The following ST6GALNAC3 variants were observed in gnomAD, a reference collection of about 807,000 sequenced individuals.
The protein encoded by ST6GALNAC3 is ST6 N-acetylgalactosaminide alpha-2,6-sialyltransferase 3, also known as alpha-N-acetylgalactosaminide alpha-2,6-sialyltransferase 3.
ST6GALNAC3 carries 25 observed loss-of-function variants against 32.7 expected under a neutral mutation model. That is an observed-to-expected ratio of 0.76 (90% CI 0.56 to 1.07). The LOEUF is 1.07. Among genes scored for constraint, ST6GALNAC3 ranks in the 50% least tolerant of loss-of-function variants. ST6GALNAC3 has a pLI of 0.00. For synonymous variants in ST6GALNAC3, 129 were observed against 133.1 expected (o/e 0.97, Z 0.21); for missense variants, 355 against 382.4 (o/e 0.93, Z 0.60).
At chr1:76,490,755 A>T (rs1220961165) in intron 3 of ST6GALNAC3, among the ~76,000 whole-genome samples, 2 of 152,008 alleles carry the variant, frequency 1.3e-5, no homozygotes, top group Non-Finnish European at 2.9e-5. Flanking sequence ...CGTAATAGTC[A>T]AACCTCCCAT....
intron 1 of ST6GALNAC3, among the ~76,000 whole-genome samples, chr1:76,218,368 A>G (rs2100596350): frequency 6.6e-6 from 1 of 152,274 alleles, no homozygotes; most frequent in Admixed American, 6.5e-5. Context: ...AGGCTAGAGT[A>G]TTTGCCCTTC....
chr1:76,573,259 A>G (rs1646740317), intron 3 of ST6GALNAC3, among the ~76,000 whole-genome samples: 2 of 152,126 alleles, frequency 1.3e-5, no homozygotes, highest in African/African-American at 4.8e-5. Flanking sequence ...GTCCTCTTAC[A>G]AGCATCCAGT....
At chr1:76,281,231 AT>A (rs1313015642) in intron 1 of ST6GALNAC3, among the ~76,000 whole-genome samples, 2 of 152,100 alleles carry the variant, frequency 1.3e-5, no homozygotes, top group Non-Finnish European at 2.9e-5. Context: ...ATCGATATAG[AT>A]TTTTTTCTTG....
At chr1:76,485,623 A>G (rs969922080) in intron 3 of ST6GALNAC3, among the ~76,000 whole-genome samples, 7 of 151,856 alleles carry the variant, frequency 4.6e-5, no homozygotes, top group African/African-American at 1.7e-4. Context: ...TTTCTTCTTT[A>G]TTAGTCTTGC....
At chr1:76,080,376 T>C (rs1054636159) in intron 1 of ST6GALNAC3, among the ~76,000 whole-genome samples, 1 of 152,058 alleles carries the variant, frequency 6.6e-6, no homozygotes, top group African/African-American at 2.4e-5. Flanking sequence ...GTGGCATGGA[T>C]TTTTTACTCT....
chr1:76,271,973 A>G (rs1408377326), intron 1 of ST6GALNAC3, among the ~76,000 whole-genome samples: 1 of 152,138 alleles, frequency 6.6e-6, no homozygotes, highest in Non-Finnish European at 1.5e-5. Context: ...AGCACAAGGG[A>G]GTGAAACTAG....
intron 1 of ST6GALNAC3, among the ~76,000 whole-genome samples, chr1:76,244,266 A>G (rs556761793): frequency 2.6e-5 from 4 of 152,284 alleles, no homozygotes; most frequent in Non-Finnish European, 5.9e-5. Flanking sequence ...GTTGGTGTAT[A>G]GGAATGCTCG....
intron 3 of ST6GALNAC3, among the ~76,000 whole-genome samples, chr1:76,533,310 T>A (rs1663374541): frequency 7.5e-6 from 1 of 132,650 alleles, no homozygotes; most frequent in African/African-American, 2.9e-5. Context: ...GGGAACATGT[T>A]CCTTCTCCAT....
intron 2 of ST6GALNAC3, among the ~76,000 whole-genome samples, chr1:76,361,613 T>A (rs1649941429): frequency 1.3e-5 from 2 of 152,212 alleles, no homozygotes; most frequent in Admixed American, 6.5e-5. Flanking sequence ...AGAATATTTT[T>A]ATACACTTGA....
chr1:76,455,102 A>T (rs1197930943), intron 3 of ST6GALNAC3, among the ~76,000 whole-genome samples: 1 of 151,728 alleles, frequency 6.6e-6, no homozygotes, highest in Non-Finnish European at 1.5e-5. Flanking sequence ...TCATCTGTTA[A>T]TTTTTTTATT....
At chr1:76,415,941 A>G (rs1654589307) in intron 3 of ST6GALNAC3, among the ~76,000 whole-genome samples, 1 of 151,896 alleles carries the variant, frequency 6.6e-6, no homozygotes, top group Admixed American at 6.6e-5. Context: ...TTAAGTTTAC[A>G]TCCTCTATCT....
At chr1:76,096,426 A>G (rs747733673) in intron 1 of ST6GALNAC3, among the ~76,000 whole-genome samples, 5 of 152,108 alleles carry the variant, frequency 3.3e-5, no homozygotes, top group Non-Finnish European at 5.9e-5. Context: ...CCATTTCTTT[A>G]ATGACTTGGA....
chr1:76,416,018 A>G (rs1196509326), intron 3 of ST6GALNAC3, among the ~76,000 whole-genome samples: 1 of 141,904 alleles, frequency 7.0e-6, no homozygotes, highest in African/African-American at 2.6e-5. Flanking sequence ...GTAATTATTC[A>G]TCTGCTTTAT....
chr1:76,223,396 A>G (rs1655890220), intron 1 of ST6GALNAC3, among the ~76,000 whole-genome samples: 3 of 152,124 alleles, frequency 2.0e-5, no homozygotes, highest in Admixed American at 2.0e-4. Flanking sequence ...ACTGGGGCTT[A>G]TTTCAGAGTG....
intron 1 of ST6GALNAC3, among the ~76,000 whole-genome samples, chr1:76,196,756 C>T (rs1430888753): frequency 7.2e-5 from 11 of 152,120 alleles, no homozygotes; most frequent in Non-Finnish European, 1.6e-4. Context: ...AGCCACTGTA[C>T]CTGGCCTCTC....
In ST6GALNAC3 at chr1:76,467,748, T is replaced by C. The variant is rs377279300; in HGVS notation, c.623+55331T>C. Among the ~76,000 whole-genome samples the C allele has an allele frequency of 6.8e-4, 103 of 152,034 alleles. No homozygotes were observed. The Middle Eastern group carries it at 0.024, about 35-fold the overall frequency. ...CTATACTGTGCATTACTAAAATAAT[T>C]AGGAAAAATTTTTTGCAATTATTTT... On this transcript the variant is annotated intron_variant, in intron 3 of 4. Coordinates refer to ENST00000328299, the MANE Select transcript of ST6GALNAC3 (RefSeq NM_152996.4).
intron 3 of ST6GALNAC3, among the ~76,000 whole-genome samples, chr1:76,587,835 G>T (rs1444184188): frequency 6.6e-6 from 1 of 152,158 alleles, no homozygotes; most frequent in East Asian, 1.9e-4. Flanking sequence ...TGGTGAGTGG[G>T]ACGCTCAGGT....
chr1:76,277,806 C>G (rs1300215150), intron 1 of ST6GALNAC3, among the ~76,000 whole-genome samples: 2 of 152,040 alleles, frequency 1.3e-5, no homozygotes, highest in East Asian at 3.9e-4. Flanking sequence ...CCAAATTTCC[C>G]CATATGCCTG....
At chr1:76,245,710 G>A (rs1272926525) in intron 1 of ST6GALNAC3, among the ~76,000 whole-genome samples, 1 of 152,146 alleles carries the variant, frequency 6.6e-6, no homozygotes, top group Non-Finnish European at 1.5e-5. Context: ...TCAGAAGCAG[G>A]TTGTTCACTT....
Sources: allele counts gnomAD v4.1 joint callset (sites outside exome capture counted in the v4.1 genomes callset), GRCh38; gene constraint gnomAD v4.1.1; transcripts MANE v1.5; gene names NCBI Gene and HGNC (gene_info 2026-07-23, HGNC 2026-07-21).